LMTK2: variants seen among roughly 807,000 people sequenced by gnomAD.
The protein encoded by LMTK2 is serine/threonine-protein kinase LMTK2.
LMTK2 carries 37 observed loss-of-function variants against 127.5 expected under a neutral mutation model. That is an observed-to-expected ratio of 0.29 (90% CI 0.22 to 0.38). The LOEUF is 0.38. Ranked by LOEUF, LMTK2 falls within the 10% of genes least tolerant of loss-of-function variation. The probability of loss-of-function intolerance (pLI) is 1.00; values close to 1 mark genes in which losing one functional copy is unlikely to be tolerated. For synonymous variants in LMTK2, 819 were observed against 810.1 expected, an observed-to-expected ratio of 1.01 and a Z score of -0.19; for missense variants, 1,694 against 1,920.3, an observed-to-expected ratio of 0.88 and a Z score of 2.20.
rs577927509 is a variant in LMTK2, at chr7:98,123,781, C to A, written c.104-13534C>A. 2.7e-4 allele frequency among the ~76,000 whole-genome samples: 41 copies of A among 152,104 alleles called. 1 individual carries two copies. Among genetic ancestry groups the A allele is most frequent in the African/African-American group, 9.9e-4 (41 of 41,498 alleles). ...CACACTTTTTGGGAAGAATTCTCTT[C>A]CTTCTCTTTGTTCTTTCCATCTAAA... is the stretch of plus-strand genomic sequence containing the variant. On this transcript the variant is annotated intron_variant, in intron 1 of 13. Transcript: ENST00000297293.
intron 6 of LMTK2, among the ~76,000 whole-genome samples, chr7:98,167,441 G>A (rs914457473): frequency 3.3e-5 from 5 of 152,226 alleles, no homozygotes; most frequent in African/African-American, 9.7e-5. Context: ...CAGGGAGGCC[G>A]CAGGGAGACT....
rs1470417419 is a variant in LMTK2 at position 98,194,579 on chromosome 7, G to A, written c.4107+7G>A. On this transcript the variant is annotated splice_region_variant and intron_variant, in intron 11 of 13. Coordinates refer to ENST00000297293, the MANE Select transcript of LMTK2 (RefSeq NM_014916.4). The surrounding 1 kb of genome is among the most constrained non-coding windows in gnomAD (Gnocchi z 5.4). ...AGTCTACCTGTTTGACCAGGTATCTGTTCCCTCTAAATCATTTTCTATACA... is the reference window on the plus strand; with the variant it reads ...AGTCTACCTGTTTGACCAGGTATCTATTCCCTCTAAATCATTTTCTATACA... 1.3e-6 allele frequency: 2 copies of A among 1,594,126 alleles called. No individual in the cohort carries two copies. The highest frequency in any genetic ancestry group is 1.3e-5 in the African/African-American group (1 of 74,786).
At chr7:98,132,233 G>A (rs183125996) in intron 1 of LMTK2, among the ~76,000 whole-genome samples, 1 of 152,048 alleles carries the variant, frequency 6.6e-6, no homozygotes, top group African/African-American at 2.4e-5. Context: ...ACTGGTCACT[G>A]CCAGAGGATG....
intron 7 of LMTK2, among the ~76,000 whole-genome samples, chr7:98,181,992 T>C (rs1170663811): frequency 9.2e-5 from 14 of 152,136 alleles, no homozygotes; most frequent in Non-Finnish European, 1.9e-4. Flanking sequence ...CCAGGACTAT[T>C]CAATGGAGAA....
chr7:98,191,747 G>A lies in LMTK2; in HGVS notation c.1282G>A (p.Ala428Thr), dbSNP rs747956833. Reference protein sequence around the residue: ...SEVDFEQQWNALKPNTNSRDS... With the variant: ...SEVDFEQQWNTLKPNTNSRDS... ...GGTCGACTTTGAACAGCAGTGGAAC[G>A]CTCTGAAGCCGAACACAAACAGCAG... The change falls in exon 11 of 14, where the codon GCT becomes ACT. Residue 428 changes from alanine to threonine, a missense_variant. Transcript: ENST00000297293. 142 of 1,614,012 alleles carry A rather than the reference G, an allele frequency of 8.8e-5. No individual in the cohort carries two copies. Among genetic ancestry groups the A allele is most frequent in the Admixed American group, 4.0e-4 (24 of 59,994 alleles).
At chr7:98,169,738 T>C (rs1268600145) in intron 6 of LMTK2, among the ~76,000 whole-genome samples, 1 of 152,204 alleles carries the variant, frequency 6.6e-6, no homozygotes, top group East Asian at 1.9e-4. Context: ...TTCTGAATCA[T>C]TTGTTATCCT....
intron 7 of LMTK2, among the ~76,000 whole-genome samples, chr7:98,175,714 G>A (rs1282277201): frequency 6.6e-6 from 1 of 152,224 alleles, no homozygotes; most frequent in African/African-American, 2.4e-5. Flanking sequence ...CTCCCATGAT[G>A]TATGTCACAC....
intron 3 of LMTK2, among the ~76,000 whole-genome samples, chr7:98,143,363 G>A (rs184501353): frequency 1.6e-4 from 25 of 152,240 alleles, no homozygotes; most frequent in East Asian, 1.5e-3. Flanking sequence ...GAAATATTCT[G>A]TATAGAAAAA....
At chr7:98,124,282 C>G (rs56389625) in intron 1 of LMTK2, among the ~76,000 whole-genome samples, 33,080 of 152,100 alleles carry the variant, frequency 0.22, 3,768 homozygotes, top group South Asian at 0.38. Context: ...AGAGCTTGCA[C>G]TCTGAGCCTC....
rs1390583911 is a variant in LMTK2 at position 98,154,740 on chromosome 7, A to G, written c.451-18A>G. On this transcript the variant is annotated intron_variant, in intron 4 of 13. Coordinates refer to ENST00000297293, the MANE Select transcript of LMTK2 (RefSeq NM_014916.4). The stretch of plus-strand genomic sequence containing the variant: ...CATTTTGATGGAAATGACACAAAAA[A>G]CTGTTCTTTGATTTTAGGTTCTCTT... 4.7e-6 allele frequency: 7 copies of G among 1,502,792 alleles called. No individual in the cohort carries two copies. The highest frequency in any genetic ancestry group is 2.3e-5 in the East Asian group (1 of 44,198). 93.1% of individuals were successfully genotyped at this position (1,502,792 alleles called of 1,614,324 possible).
chr7:98,207,564 ACT>A lies in LMTK2; in HGVS notation c.*2075_*2076del, dbSNP rs748485070. On this transcript the variant is annotated 3_prime_UTR_variant, in exon 14 of 14. Coordinates refer to ENST00000297293, the MANE Select transcript of LMTK2 (RefSeq NM_014916.4). ...AGATGATTTTGCCAAAATTGTCATG[ACT>A]CTGAATTCTTGCTGTGGGGACTTCC... 22 of 150,920 alleles carry A rather than the reference ACT, an allele frequency of 1.5e-4. No individual in the cohort carries two copies. Among genetic ancestry groups the A allele is most frequent in the Non-Finnish European group, 2.1e-4 (14 of 67,820 alleles). The allele number at this position is 150,920 out of a possible 1,614,324, so 9.3% of individuals were successfully genotyped here. A position where few individuals can be genotyped will look rare whatever the true frequency, so the allele number is the denominator to read the frequency against.
At chr7:98,172,166 G>A (rs1797202641) in intron 7 of LMTK2, among the ~76,000 whole-genome samples, 1 of 152,246 alleles carries the variant, frequency 6.6e-6, no homozygotes, top group Admixed American at 6.5e-5. Flanking sequence ...TTTGGAAGCA[G>A]AGGTGTCATG....
intron 7 of LMTK2, among the ~76,000 whole-genome samples, chr7:98,182,361 G>T (rs902771609): frequency 2.0e-5 from 3 of 152,184 alleles, no homozygotes; most frequent in African/African-American, 7.2e-5. Flanking sequence ...GTTATATAAA[G>T]CATATATGGA....
intron 7 of LMTK2, among the ~76,000 whole-genome samples, chr7:98,173,822 C>T (rs1164137314): frequency 2.6e-5 from 4 of 152,024 alleles, no homozygotes; most frequent in Non-Finnish European, 2.9e-5. Flanking sequence ...TTTGGGAGGC[C>T]GAGGCAGGCG....
At chr7:98,115,377 T>C (rs1167350435) in intron 1 of LMTK2, among the ~76,000 whole-genome samples, 3 of 149,022 alleles carry the variant, frequency 2.0e-5, no homozygotes, top group Non-Finnish European at 4.5e-5. Context: ...GATCATGCCA[T>C]TGCACACCAG....
intron 3 of LMTK2, among the ~76,000 whole-genome samples, chr7:98,146,908 C>T (rs1362719779): frequency 6.6e-6 from 1 of 152,114 alleles, no homozygotes; most frequent in African/African-American, 2.4e-5. Flanking sequence ...TGGAGGACTC[C>T]CATTAGCTTT....
At chr7:98,155,174 C>G (rs1477011017) in intron 5 of LMTK2, among the ~76,000 whole-genome samples, 1 of 152,080 alleles carries the variant, frequency 6.6e-6, no homozygotes, top group Non-Finnish European at 1.5e-5. Flanking sequence ...GCAATTGCAT[C>G]ACGTTTAAAA....
At chr7:98,186,489 A>G (rs913137312) in intron 8 of LMTK2, among the ~76,000 whole-genome samples, 3 of 152,168 alleles carry the variant, frequency 2.0e-5, no homozygotes, top group African/African-American at 7.2e-5. Context: ...TAGAATGAGG[A>G]CTTCAAACCC....
intron 8 of LMTK2, among the ~76,000 whole-genome samples, 168 bp downstream of exon 8, chr7:98,185,303 G>A (rs1797416693): frequency 1.3e-5 from 2 of 152,210 alleles, no homozygotes; most frequent in South Asian, 4.1e-4. Context: ...TGTGGCTTGT[G>A]TAAGTCTGCG....
Sources: allele counts gnomAD v4.1 joint callset (sites outside exome capture counted in the v4.1 genomes callset), GRCh38; gene constraint gnomAD v4.1.1; non-coding constraint Gnocchi (gnomAD v3.1); transcripts MANE v1.5; gene names NCBI Gene and HGNC (gene_info 2026-07-23, HGNC 2026-07-21).